The following NFIB variants were observed in gnomAD, a reference collection of about 807,000 sequenced individuals.
The protein encoded by NFIB is nuclear factor 1 B-type.
A neutral mutation model predicts 61.5 loss-of-function variants in NFIB; 11 were observed. That is an observed-to-expected ratio of 0.18 (90% CI 0.11 to 0.30). The LOEUF (loss-of-function observed/expected upper bound fraction) is 0.30. Ranked by LOEUF, NFIB falls within the 10% of genes least tolerant of loss-of-function variation. The probability of loss-of-function intolerance (pLI) is 1.00; values close to 1 mark genes in which losing one functional copy is unlikely to be tolerated. For missense variants in NFIB, 471 were observed against 608.9 expected (o/e 0.77, Z 2.38); for synonymous variants, 260 against 216.5 (o/e 1.20, Z -1.76).
At chr9:14,347,576 G>A (rs2061042626) in intron 1 of NFIB, among the ~76,000 whole-genome samples, 2 of 151,352 alleles carry the variant, frequency 1.3e-5, no homozygotes, top group African/African-American at 4.9e-5. Flanking sequence ...TGAGCTGGGT[G>A]CGATTGGGAG....
intron 2 of NFIB, among the ~76,000 whole-genome samples, chr9:14,224,415 A>T (rs1387726362): frequency 6.6e-6 from 1 of 152,238 alleles, no homozygotes; most frequent in African/African-American, 2.4e-5. Flanking sequence ...GTAGAGGATC[A>T]CAGTTGGATG....
At chr9:14,375,445 C>T (rs546906437) in intron 1 of NFIB, among the ~76,000 whole-genome samples, 1 of 152,132 alleles carries the variant, frequency 6.6e-6, no homozygotes, top group Non-Finnish European at 1.5e-5. Context: ...ATCACAAGGT[C>T]AGCAGTTCGA....
chr9:14,236,049 A>G (rs1467676070), intron 2 of NFIB, among the ~76,000 whole-genome samples: 1 of 152,216 alleles, frequency 6.6e-6, no homozygotes, highest in African/African-American at 2.4e-5. Context: ...TTTTAAAGAC[A>G]TATTTAAATA....
At chr9:14,356,324 T>G (rs2061175621) in intron 1 of NFIB, among the ~76,000 whole-genome samples, 1 of 152,146 alleles carries the variant, frequency 6.6e-6, no homozygotes, top group South Asian at 2.1e-4. Flanking sequence ...CATGAGCTAG[T>G]GTGGCTCGGA....
rs1482671726 is a variant in NFIB at position 14,307,629 on chromosome 9, G to C, written c.31-109C>G. On this transcript the variant is annotated intron_variant, in intron 1 of 10. Coordinates refer to ENST00000380953, the MANE Select transcript of NFIB (RefSeq NM_001190737.2). The surrounding 1 kb of genome is among the most constrained non-coding windows in gnomAD (Gnocchi z 5.3). Reference sequence around the variant, plus strand: ...ACCCGTTTCCAATTCAGTACAAAAAGTTATACATGAAAATAACATTCCTTT... The same window carrying C: ...ACCCGTTTCCAATTCAGTACAAAAACTTATACATGAAAATAACATTCCTTT... The C allele has an allele frequency of 1.5e-5, 15 of 1,030,618 alleles. No individual in the cohort carries two copies. Among genetic ancestry groups the C allele is most frequent in the Non-Finnish European group, 2.0e-5 (15 of 745,142 alleles). 63.8% of individuals were successfully genotyped at this position (1,030,618 alleles called of 1,614,324 possible).
the NFIB span, among the ~76,000 whole-genome samples, chr9:14,444,502 T>A: frequency 1.3e-5 from 2 of 152,160 alleles, no homozygotes; most frequent in African/African-American, 4.8e-5. Flanking sequence ...TGAGAATGGA[T>A]GAGCTTCTAA....
the NFIB span, among the ~76,000 whole-genome samples, chr9:14,468,316 G>GAGGT: frequency 1.6e-4 from 25 of 152,308 alleles, no homozygotes; most frequent in African/African-American, 6.0e-4. Flanking sequence ...TGCTAATTAA[G>GAGGT]GTACACCTCT....
At chr9:14,479,015 T>A in the NFIB span, among the ~76,000 whole-genome samples, 3 of 152,200 alleles carry the variant, frequency 2.0e-5, no homozygotes, top group Non-Finnish European at 2.9e-5. Context: ...TCCTTGCAGA[T>A]GTTAAATAGT....
chr9:14,473,755 T>C, the NFIB span, among the ~76,000 whole-genome samples: 6 of 152,238 alleles, frequency 3.9e-5, no homozygotes, highest in African/African-American at 1.4e-4. Context: ...CACTTGCCTT[T>C]AATTGATTTT....
chr9:14,409,746 A>G, the NFIB span, among the ~76,000 whole-genome samples: 2 of 152,230 alleles, frequency 1.3e-5, no homozygotes, highest in Non-Finnish European at 2.9e-5. Context: ...AATCACACAA[A>G]GAAAAGAACT....
the NFIB span, among the ~76,000 whole-genome samples, chr9:14,466,626 A>G: frequency 3.3e-5 from 5 of 152,190 alleles, no homozygotes; most frequent in Non-Finnish European, 7.4e-5. Flanking sequence ...GGTGGAACAC[A>G]GTCCTACCAG....
the NFIB span, among the ~76,000 whole-genome samples, chr9:14,408,273 A>G: frequency 6.6e-6 from 1 of 152,202 alleles, no homozygotes; most frequent in African/African-American, 2.4e-5. Flanking sequence ...CTTTTTATTT[A>G]TACAGATATA....
In NFIB at chr9:14,108,078, A is replaced by C. The variant is rs77151682; in HGVS notation, c.1467+4921T>G. On this transcript the variant is annotated intron_variant, in intron 10 of 10. Transcript: ENST00000380953. ...AGAGCTAAACATTTGCATAGCCATTATTTCGACTGAAACTTCCTTTAAATG... is the reference window on the plus strand; with the variant it reads ...AGAGCTAAACATTTGCATAGCCATTCTTTCGACTGAAACTTCCTTTAAATG... 7.9e-5 allele frequency among the ~76,000 whole-genome samples: 12 copies of C among 152,244 alleles called. No homozygotes were observed. In the East Asian group the frequency reaches 2.1e-3, roughly 27 times the overall value.
chr9:14,151,330 A>C (rs2042848050), intron 4 of NFIB, among the ~76,000 whole-genome samples: 1 of 152,158 alleles, frequency 6.6e-6, no homozygotes, highest in Non-Finnish European at 1.5e-5. Flanking sequence ...GGTATAAATG[A>C]ACCTGTTCGC....
rs529974394 is a variant in NFIB at position 14,373,882 on chromosome 9, A to G, written c.108+24642T>C. Among the ~76,000 whole-genome samples the G allele has an allele frequency of 4.6e-5, 7 of 152,322 alleles. No homozygotes were observed. The South Asian group carries it at 1.4e-3, about 32-fold the overall frequency. ...CAACTGAAGGGTTAAGCCCTAAAGCAAGGAAATATCTCTAAGTCAGAAAAC... is the reference window on the plus strand; with the variant it reads ...CAACTGAAGGGTTAAGCCCTAAAGCGAGGAAATATCTCTAAGTCAGAAAAC... On this transcript the variant is annotated intron_variant, in intron 1 of 8. Transcript: ENST00000380934.
In NFIB at chr9:14,212,142, G is replaced by T. The variant is rs10961427; in HGVS notation, c.563-32362C>A. On this transcript the variant is annotated intron_variant, in intron 2 of 10. Transcript: ENST00000380953. Reference sequence around the variant, plus strand: ...GAGGCATAAATTAATAAATCCCTGAGAAAGCCTAGCCTACGGCTGTAAGGA... The same window carrying T: ...GAGGCATAAATTAATAAATCCCTGATAAAGCCTAGCCTACGGCTGTAAGGA... Among the ~76,000 whole-genome samples the T allele has an allele frequency of 3.1e-3, 474 of 152,292 alleles. 2 individuals are homozygous for T. The highest frequency in any genetic ancestry group is 0.011 in the African/African-American group (452 of 41,574).
At chr9:14,148,322 C>G (rs1587033522) in intron 5 of NFIB, among the ~76,000 whole-genome samples, 1 of 151,928 alleles carries the variant, frequency 6.6e-6, no homozygotes, top group East Asian at 1.9e-4. Context: ...GGGAGTTGTC[C>G]AGGCTGGTCT....
chr9:14,482,986 A>T, the NFIB span, among the ~76,000 whole-genome samples: 1 of 152,324 alleles, frequency 6.6e-6, no homozygotes, highest in East Asian at 1.9e-4. Context: ...ATAAATGAAA[A>T]TTCGAATAAA....
chr9:14,511,283 T>C, the NFIB span, among the ~76,000 whole-genome samples: 1 of 151,920 alleles, frequency 6.6e-6, no homozygotes, highest in Admixed American at 6.5e-5. Context: ...GTTTATTGCT[T>C]CTTTAAATTT....
Sources: gnomAD v4.1 joint callset for allele counts (sites outside exome capture counted in the v4.1 genomes callset) on GRCh38, gnomAD v4.1.1 for gene constraint, Gnocchi (gnomAD v3.1) non-coding constraint, MANE v1.5 for transcripts, NCBI Gene and HGNC (gene_info 2026-07-23, HGNC 2026-07-21) for gene names.